Variants in UMAD1 observed in about 807,000 individuals in gnomAD.
The protein encoded by UMAD1 is UBAP1-MVB12-associated (UMA)-domain containing protein 1.
In UMAD1, 8 loss-of-function variants were observed where a neutral mutation model predicts 6.1. The ratio of observed to expected loss-of-function variants is 1.30; its 90% CI spans 0.76 to 2.35. UMAD1 has a LOEUF of 2.35. UMAD1 is among the 30% of genes most tolerant of loss of function. UMAD1 has a pLI of 0.00. For synonymous variants in UMAD1, 56 were observed against 31.4 expected (o/e 1.78, Z -2.61); for missense variants, 130 against 78.4 (o/e 1.66, Z -2.49).
intron 2 of UMAD1, among the ~76,000 whole-genome samples, chr7:7,728,009 A>T (rs1781173766): frequency 1.3e-5 from 2 of 152,060 alleles, no homozygotes; most frequent in African/African-American, 4.8e-5. Flanking sequence ...CCCTCTAGAG[A>T]ACCCTGACTA....
chr7:7,789,285 A>G (rs1300337513), intron 2 of UMAD1, among the ~76,000 whole-genome samples: 3 of 151,368 alleles, frequency 2.0e-5, no homozygotes, highest in Non-Finnish European at 2.9e-5. Context: ...AAAAAAACAC[A>G]TTTCCCTCGC....
intron 2 of UMAD1, among the ~76,000 whole-genome samples, chr7:7,741,437 G>A (rs1190355188): frequency 2.0e-5 from 3 of 151,818 alleles, no homozygotes; most frequent in Non-Finnish European, 2.9e-5. Context: ...TGGGCGTGGT[G>A]GCGTGCGCCT....
Position 7,780,544 on chromosome 7 carries a change from C to G in UMAD1, c.83-21126C>G, listed in dbSNP as rs191305828. On this transcript the variant is annotated intron_variant, in intron 2 of 3. Transcript: ENST00000682710. Reference sequence around the variant, plus strand: ...ATGCACAAACGATAAGTTTGATAACCTTTCACAAAATGTCGTTAGCGTCCA... The same window carrying G: ...ATGCACAAACGATAAGTTTGATAACGTTTCACAAAATGTCGTTAGCGTCCA... Among the ~76,000 whole-genome samples, 6 of 152,276 alleles carry G rather than the reference C, an allele frequency of 3.9e-5. 1 individual carries two copies. Among genetic ancestry groups the G allele is most frequent in the Non-Finnish European group, 8.8e-5 (6 of 68,010 alleles).
intron 1 of UMAD1, 93 bp downstream of exon 1, chr7:7,640,914 C>G (rs1784954797): frequency 6.0e-6 from 1 of 167,962 alleles, no homozygotes; most frequent in African/African-American, 2.4e-5. Context: ...TCGGCACTAG[C>G]TGCTGCCGCG....
At position 7,724,872 on chromosome 7, in the gene UMAD1, A is replaced by G. The variant is rs192812569; in HGVS notation, c.82+51419A>G. Among the ~76,000 whole-genome samples, 191 of 152,094 alleles carry G rather than the reference A, an allele frequency of 1.3e-3. 1 individual carries two copies. In the Middle Eastern group the frequency reaches 0.014, roughly 11 times the overall value. The stretch of plus-strand genomic sequence containing the variant: ...CCTGTTCTACCTCAGGGGTATATCA[A>G]CTCTCTGGCTTTGTGTCATAATGTT... On this transcript the variant is annotated intron_variant, in intron 2 of 3. Coordinates refer to ENST00000682710, the MANE Select transcript of UMAD1 (RefSeq NM_001302348.2).
intron 2 of UMAD1, among the ~76,000 whole-genome samples, chr7:7,796,244 C>CTTTTTT (rs59221325): frequency 0.03 from 1,935 of 63,850 alleles, 129 homozygotes; most frequent in African/African-American, 0.036. Context: ...TATTTTCTTT[C>CTTTTTT]TTTTTTTTTT....
chr7:7,665,863 A>G (rs1211152516), intron 1 of UMAD1, among the ~76,000 whole-genome samples: 1 of 148,492 alleles, frequency 6.7e-6, no homozygotes, highest in Non-Finnish European at 1.5e-5. Flanking sequence ...TGTAGCATGT[A>G]TCACTATTTT....
In UMAD1 at chr7:7,754,683, A is replaced by G. The variant is rs192283948; in HGVS notation, c.83-46987A>G. Among the ~76,000 whole-genome samples the G allele has an allele frequency of 2.6e-5, 4 of 152,364 alleles. No homozygotes were observed. The East Asian group carries it at 7.7e-4, about 29-fold the overall frequency. On this transcript the variant is annotated intron_variant, in intron 2 of 3. Transcript: ENST00000682710. Reference sequence around the variant, plus strand: ...CCAAGGTTTAATTTTAATTCAGTTTACATTTTAAATGAATAATTTCATTAT... The same window carrying G: ...CCAAGGTTTAATTTTAATTCAGTTTGCATTTTAAATGAATAATTTCATTAT...
chr7:7,690,686 T>G (rs545847336), intron 2 of UMAD1, among the ~76,000 whole-genome samples: 1 of 152,106 alleles, frequency 6.6e-6, no homozygotes, highest in African/African-American at 2.4e-5. Context: ...CTAAATTCTT[T>G]TGTTTTTGCT....
At chr7:7,831,309 G>A (rs540690300) in intron 3 of UMAD1, among the ~76,000 whole-genome samples, 1 of 152,182 alleles carries the variant, frequency 6.6e-6, no homozygotes, top group East Asian at 1.9e-4. Context: ...TATATTTTTG[G>A]AAGTACCATT....
At chr7:7,816,008 T>A (rs965452950) in intron 3 of UMAD1, among the ~76,000 whole-genome samples, 1 of 152,152 alleles carries the variant, frequency 6.6e-6, no homozygotes, top group African/African-American at 2.4e-5. Context: ...GTAGTCATAG[T>A]GGGACAAGAA....
At chr7:7,731,826 A>C (rs1781265404) in intron 2 of UMAD1, among the ~76,000 whole-genome samples, 1 of 152,162 alleles carries the variant, frequency 6.6e-6, no homozygotes, top group East Asian at 1.9e-4. Flanking sequence ...TACCATAATC[A>C]GGAGAAGTGT....
At chr7:7,849,725 AC>A (rs1370677644) in intron 3 of UMAD1, among the ~76,000 whole-genome samples, 1 of 152,212 alleles carries the variant, frequency 6.6e-6, no homozygotes, top group Non-Finnish European at 1.5e-5. Flanking sequence ...AAATAGGCAA[AC>A]AAATAAAATT....
chr7:7,834,786 T>G (rs1583860562), intron 3 of UMAD1, among the ~76,000 whole-genome samples: 2 of 151,942 alleles, frequency 1.3e-5, no homozygotes, highest in South Asian at 4.2e-4. Context: ...AACGTATGGG[T>G]GGGGGTGTGT....
At chr7:7,714,308 G>A (rs1336206749) in intron 2 of UMAD1, among the ~76,000 whole-genome samples, 1 of 152,188 alleles carries the variant, frequency 6.6e-6, no homozygotes, top group Admixed American at 6.5e-5. Flanking sequence ...ATTCTCTGAT[G>A]AGCAGACTTT....
intron 3 of UMAD1, among the ~76,000 whole-genome samples, chr7:7,829,724 A>G (rs1783424119): frequency 6.6e-6 from 1 of 152,212 alleles, no homozygotes; most frequent in South Asian, 2.1e-4. Context: ...GGAAAATATT[A>G]TGACACAAAG....
chr7:7,813,888 A>G (rs1291663270), intron 3 of UMAD1, among the ~76,000 whole-genome samples: 2 of 152,270 alleles, frequency 1.3e-5, no homozygotes, highest in East Asian at 3.9e-4. Context: ...GAATTTACTG[A>G]TATTTATTAT....
intron 2 of UMAD1, among the ~76,000 whole-genome samples, chr7:7,764,133 A>C (rs1781943478): frequency 6.6e-6 from 1 of 152,200 alleles, no homozygotes; most frequent in Non-Finnish European, 1.5e-5. Context: ...ATCAGACAGC[A>C]AAGCAGATAT....
At chr7:7,860,984 A>T (rs1445913771) in intron 3 of UMAD1, among the ~76,000 whole-genome samples, 1 of 152,206 alleles carries the variant, frequency 6.6e-6, no homozygotes, top group Non-Finnish European at 1.5e-5. Flanking sequence ...TTTATTAAGT[A>T]AAATGACCAG....
Sources: gnomAD v4.1 joint callset for allele counts (sites outside exome capture counted in the v4.1 genomes callset) on GRCh38, gnomAD v4.1.1 for gene constraint, MANE v1.5 for transcripts, NCBI Gene and HGNC (gene_info 2026-07-23, HGNC 2026-07-21) for gene names.